Variants in CNTFR observed in about 807,000 individuals in gnomAD.
CNTFR encodes the protein ciliary neurotrophic factor receptor subunit alpha.
CNTFR carries 12 observed loss-of-function variants against 40.4 expected under a neutral mutation model. The ratio of observed to expected loss-of-function variants is 0.30; its 90% CI spans 0.19 to 0.48. The LOEUF (loss-of-function observed/expected upper bound fraction) is 0.48, where lower values mean the gene tolerates loss of function less well. Ranked by LOEUF, CNTFR falls within the 20% of genes least tolerant of loss-of-function variation. The probability of loss-of-function intolerance (pLI) is 0.99; values close to 1 mark genes in which losing one functional copy is unlikely to be tolerated. For missense variants in CNTFR, 414 were observed against 506.8 expected (o/e 0.82, Z 1.76); for synonymous variants, 202 against 209.6 (o/e 0.96, Z 0.31).
intron 1 of CNTFR, among the ~76,000 whole-genome samples, chr9:34,586,009 C>T (rs752086595): frequency 3.3e-5 from 5 of 152,196 alleles, no homozygotes; most frequent in Admixed American, 1.3e-4. Flanking sequence ...CCCTTCAGGA[C>T]GGGGAGCAGT....
intron 1 of CNTFR, among the ~76,000 whole-genome samples, chr9:34,582,023 C>T (rs1487284677): frequency 2.0e-5 from 3 of 152,158 alleles, no homozygotes; most frequent in Admixed American, 1.3e-4. Context: ...CCTGTAATCC[C>T]AGCACTTTGG....
intron 7 of CNTFR, among the ~76,000 whole-genome samples, chr9:34,554,078 G>A (rs1825741248): frequency 6.6e-6 from 1 of 152,128 alleles, no homozygotes; most frequent in South Asian, 2.1e-4. Context: ...AAAGGTCAGG[G>A]TCATGGTGAG....
At chr9:34,575,799 GA>G (rs1254998497) in intron 2 of CNTFR, among the ~76,000 whole-genome samples, 14 of 152,014 alleles carry the variant, frequency 9.2e-5, no homozygotes, top group African/African-American at 2.7e-4. Context: ...TGGGTGGGGG[GA>G]AAAGAAGCTT....
In CNTFR at chr9:34,552,724, G is replaced by A. The variant is rs1477765579; in HGVS notation, c.899C>T (p.Thr300Met). The A allele has an allele frequency of 6.2e-6, 10 of 1,613,730 alleles. No homozygotes were observed. Among genetic ancestry groups the A allele is most frequent in the Admixed American group, 1.7e-5 (1 of 59,986 alleles). The stretch of plus-strand genomic sequence containing the variant: ...GTGTCGCGGTTCCTCAGTCCAGGGC[G>A]TAGCGTGGGCGGCTACGCTCCAGTC... ...WSDWSVAAHATPWTEEPRHLT... is the reference protein window; with the variant it reads ...WSDWSVAAHAMPWTEEPRHLT... The change falls in exon 8 of 10, where the codon ACG becomes ATG. Residue 300 changes from threonine to methionine, a missense_variant. Transcript: ENST00000378980. The surrounding 1 kb of genome is among the most constrained non-coding windows in gnomAD (Gnocchi z 5.1).
chr9:34,552,100 G>C lies in CNTFR; in HGVS notation c.*-29C>G. 6.3e-7 allele frequency: 1 copy of C among 1,592,070 alleles called. No individual in the cohort carries two copies. The highest frequency in any genetic ancestry group is 8.6e-7 in the Non-Finnish European group (1 of 1,166,320). ...TAGAGACAGGCAGGGGCCTGTCAGG[G>C]AGGGGGCTGGAGTGGGGGTTCCCTC... On this transcript the variant is annotated intron_variant, in intron 9 of 9. Transcript: ENST00000378980. This position sits in a 1 kb window ranked among gnomAD's most constrained non-coding sequence, Gnocchi z 5.1.
chr9:34,561,964 G>T (rs1826093627), intron 4 of CNTFR, among the ~76,000 whole-genome samples: 1 of 152,212 alleles, frequency 6.6e-6, no homozygotes. Flanking sequence ...CTATATAAAA[G>T]GTCTGGGCCC....
intron 2 of CNTFR, among the ~76,000 whole-genome samples, chr9:34,578,043 G>T (rs1027035763): frequency 4.6e-5 from 7 of 151,744 alleles, no homozygotes; most frequent in African/African-American, 1.5e-4. Context: ...CCCCGTCGGT[G>T]CCTCCGGCGC....
intron 3 of CNTFR, among the ~76,000 whole-genome samples, chr9:34,566,484 T>A (rs1826299675): frequency 6.6e-6 from 1 of 152,116 alleles, no homozygotes. Context: ...AGAGGCCCAG[T>A]GTCCAAGACT....
At chr9:34,559,599 G>A (rs1313637715) in intron 4 of CNTFR, among the ~76,000 whole-genome samples, 2 of 152,232 alleles carry the variant, frequency 1.3e-5, no homozygotes, top group Admixed American at 1.3e-4. Flanking sequence ...TCTGCCCACG[G>A]GTGCAGAACT....
Position 34,551,841 on chromosome 9 carries a change from T to G in CNTFR, c.*230A>C. 4.8e-6 allele frequency: 3 copies of G among 629,032 alleles called. No individual in the cohort carries two copies. The highest frequency in any genetic ancestry group is 5.7e-6 in the Non-Finnish European group (2 of 349,154). The allele number at this position is 629,032 out of a possible 1,614,324, so 39.0% of individuals were successfully genotyped here. On this transcript the variant is annotated 3_prime_UTR_variant, in exon 10 of 10. Coordinates refer to ENST00000378980, the MANE Select transcript of CNTFR (RefSeq NM_147164.3). ...CCAGGGTGAGGGGGTCTTTGGTGGG[T>G]GGGTTAGCTGCATGGCCCACCTCCC... is the stretch of plus-strand genomic sequence containing the variant.
chr9:34,553,752 T>C (rs899832703), intron 7 of CNTFR, among the ~76,000 whole-genome samples: 6 of 152,206 alleles, frequency 3.9e-5, no homozygotes, highest in African/African-American at 1.4e-4. Flanking sequence ...CCAGCCTGCC[T>C]GTCCGGCGCC....
At chr9:34,571,015 T>G (rs60547279) in intron 2 of CNTFR, among the ~76,000 whole-genome samples, 3,339 of 152,250 alleles carry the variant, frequency 0.022, 93 homozygotes, top group African/African-American at 0.069. Flanking sequence ...AATCTCTCTG[T>G]GTCCTAAGTG....
At chr9:34,574,831 C>T (rs775396710) in intron 2 of CNTFR, among the ~76,000 whole-genome samples, 3 of 152,230 alleles carry the variant, frequency 2.0e-5, no homozygotes, top group Non-Finnish European at 4.4e-5. Flanking sequence ...ATGTGCGTGC[C>T]CTGCTGCACG....
chr9:34,581,482 T>C (rs1827281782), intron 1 of CNTFR, among the ~76,000 whole-genome samples: 1 of 152,192 alleles, frequency 6.6e-6, no homozygotes, highest in African/African-American at 2.4e-5. Context: ...ACAATTCTTA[T>C]ACAATCAGTT....
At chr9:34,566,294 C>T (rs1826289561) in intron 3 of CNTFR, among the ~76,000 whole-genome samples, 1 of 152,162 alleles carries the variant, frequency 6.6e-6, no homozygotes, top group Admixed American at 6.5e-5. Flanking sequence ...TCTATCCTGC[C>T]CCTCTCTGTC....
At chr9:34,558,298 G>A (rs1825932368) in intron 4 of CNTFR, among the ~76,000 whole-genome samples, 1 of 152,216 alleles carries the variant, frequency 6.6e-6, no homozygotes, top group Non-Finnish European at 1.5e-5. Context: ...ATGTCTGGGG[G>A]AATCGGCCCC....
intron 4 of CNTFR, among the ~76,000 whole-genome samples, chr9:34,562,561 A>G (rs1826116213): frequency 6.6e-6 from 1 of 152,170 alleles, no homozygotes; most frequent in Non-Finnish European, 1.5e-5. Context: ...CATTTTACAC[A>G]GTGTTCTACA....
chr9:34,553,241 G>A (rs1352713015), intron 7 of CNTFR, among the ~76,000 whole-genome samples: 4 of 152,124 alleles, frequency 2.6e-5, no homozygotes, highest in Admixed American at 6.5e-5. Flanking sequence ...GGGGGTGAGA[G>A]GAGATGGTAA....
chr9:34,569,408 T>TA lies in CNTFR; in HGVS notation c.1-428dup, dbSNP rs913736717. 7.0e-3 allele frequency: 1,152 copies of TA among 164,746 alleles called. 7 individuals carry two copies. The highest frequency in any genetic ancestry group is 0.014 in the African/African-American group (579 of 41,044). The allele number at this position is 164,746 out of a possible 1,614,324, so 10.2% of individuals were successfully genotyped here. A position where few individuals can be genotyped will look rare whatever the true frequency, so the allele number is the denominator to read the frequency against. On this transcript the variant is annotated intron_variant, in intron 2 of 9. Transcript: ENST00000378980. ...ATTGGTAATGCCAGGGCCATTTTTC[T>TA]AAAAAAAAAAATAACTTTACTGGTG...
Sources: gnomAD v4.1 joint callset for allele counts (sites outside exome capture counted in the v4.1 genomes callset) on GRCh38, gnomAD v4.1.1 for gene constraint, Gnocchi (gnomAD v3.1) non-coding constraint, MANE v1.5 for transcripts, NCBI Gene and HGNC (gene_info 2026-07-23, HGNC 2026-07-21) for gene names.